Variants in MMRN1 observed in about 807,000 individuals in gnomAD.
The protein encoded by MMRN1 is multimerin-1.
In MMRN1, 94 loss-of-function variants were observed where a neutral mutation model predicts 100.7. The observed-to-expected ratio is 0.93, with a 90% CI of 0.79 to 1.11. The LOEUF (loss-of-function observed/expected upper bound fraction) is 1.11, where lower values mean the gene tolerates loss of function less well. MMRN1 is among the 50% of genes least tolerant of loss of function. MMRN1 has a pLI of 0.00. For missense variants in MMRN1, 1,606 were observed against 1,439.1 expected, an observed-to-expected ratio of 1.12 and a Z score of -1.88; for synonymous variants, 575 against 505.0, an observed-to-expected ratio of 1.14 and a Z score of -1.86.
chr4:89,905,048 G>C (rs1345938475), intron 1 of MMRN1, among the ~76,000 whole-genome samples: 1 of 151,570 alleles, frequency 6.6e-6, no homozygotes, highest in Non-Finnish European at 1.5e-5. Context: ...CAGACTTATA[G>C]AGTTGAGAAT....
intron 1 of MMRN1, among the ~76,000 whole-genome samples, chr4:89,888,836 T>C (rs1207153373): frequency 1.3e-5 from 2 of 152,146 alleles, no homozygotes; most frequent in African/African-American, 2.4e-5. Context: ...TGTTCAGACA[T>C]GTTGCCCATC....
intron 3 of MMRN1, among the ~76,000 whole-genome samples, chr4:89,918,715 C>G (rs1460798030): frequency 6.6e-6 from 1 of 151,752 alleles, no homozygotes; most frequent in Non-Finnish European, 1.5e-5. Flanking sequence ...TTTTAAAAAG[C>G]AGAAGTCTAT....
chr4:89,882,238 C>T (rs1486416642), intron 1 of MMRN1, among the ~76,000 whole-genome samples: 1 of 151,284 alleles, frequency 6.6e-6, no homozygotes, highest in African/African-American at 2.4e-5. Context: ...TTGTTGTTGT[C>T]TCTATAAATC....
intron 3 of MMRN1, among the ~76,000 whole-genome samples, chr4:89,914,742 A>G (rs1162696961): frequency 6.6e-6 from 1 of 151,560 alleles, no homozygotes; most frequent in Non-Finnish European, 1.5e-5. Flanking sequence ...AGTCAGCAGT[A>G]ACATACACTT....
chr4:89,893,799 T>C (rs1018442983), upstream of MMRN1, among the ~76,000 whole-genome samples: 2 of 152,116 alleles, frequency 1.3e-5, no homozygotes, highest in African/African-American at 4.8e-5. Flanking sequence ...AATAAATGAA[T>C]GAGTGAATGA....
rs745533301 is a variant in MMRN1 at position 89,884,727 on chromosome 4, G to A, written c.-249+5125G>A. On this transcript the variant is annotated intron_variant, in intron 1 of 8. Transcript: ENST00000394980. The stretch of plus-strand genomic sequence containing the variant: ...TCCTCCAGCCTCAGCCTCCCAAGTA[G>A]CTGGGACTACAGGAGTGTGCCACCA... 3.2e-4 allele frequency among the ~76,000 whole-genome samples: 48 copies of A among 152,142 alleles called. 1 individual carries two copies. The highest frequency in any genetic ancestry group is 8.3e-4 in the South Asian group (4 of 4,810).
At chr4:89,890,182 T>C (rs932984846), upstream of MMRN1, among the ~76,000 whole-genome samples, 4 of 151,660 alleles carry the variant, frequency 2.6e-5, no homozygotes, top group African/African-American at 4.8e-5. Flanking sequence ...GAAGTTTAAT[T>C]CTCCCTTCAG....
intron 6 of MMRN1, among the ~76,000 whole-genome samples, chr4:89,945,665 G>T (rs1722965173): frequency 6.6e-6 from 1 of 152,086 alleles, no homozygotes; most frequent in Non-Finnish European, 1.5e-5. Flanking sequence ...GGATAAATCA[G>T]TTCACGATAT....
At chr4:89,911,478 G>T (rs1196655072) in intron 2 of MMRN1, among the ~76,000 whole-genome samples, 2 of 151,276 alleles carry the variant, frequency 1.3e-5, no homozygotes, top group Non-Finnish European at 3.0e-5. Context: ...GATAGTGGTT[G>T]TCATAATTTC....
chr4:89,943,897 T>A (rs1330526825), intron 6 of MMRN1, among the ~76,000 whole-genome samples: 1 of 151,508 alleles, frequency 6.6e-6, no homozygotes, highest in African/African-American at 2.4e-5. Context: ...CAGGAGAATA[T>A]CTTGAACCCA....
At chr4:89,919,457 C>T (rs1269662402) in intron 3 of MMRN1, among the ~76,000 whole-genome samples, 1 of 151,436 alleles carries the variant, frequency 6.6e-6, no homozygotes, top group Admixed American at 6.6e-5. Flanking sequence ...CTATATTATA[C>T]AAATTTGTAG....
chr4:89,910,935 C>T (rs962712966), intron 2 of MMRN1, among the ~76,000 whole-genome samples: 7 of 151,288 alleles, frequency 4.6e-5, no homozygotes, highest in African/African-American at 9.7e-5. Context: ...TATAGTTGTA[C>T]GTGGCAAACT....
intron 1 of MMRN1, among the ~76,000 whole-genome samples, chr4:89,898,240 A>C (rs4522832): frequency 0.42 from 63,407 of 151,540 alleles, 13,584 homozygotes; most frequent in Admixed American, 0.46. Flanking sequence ...ATCTGTTACT[A>C]GTACTCTACT....
At chr4:89,939,960 G>C (rs1186981172) in intron 6 of MMRN1, among the ~76,000 whole-genome samples, 3 of 152,138 alleles carry the variant, frequency 2.0e-5, no homozygotes, top group Non-Finnish European at 1.5e-5. Flanking sequence ...TGACGAAGAA[G>C]AGGGACAAAA....
intron 3 of MMRN1, among the ~76,000 whole-genome samples, chr4:89,921,608 A>G (rs1231196378): frequency 6.6e-6 from 1 of 152,178 alleles, no homozygotes; most frequent in Non-Finnish European, 1.5e-5. Flanking sequence ...TCCCCTAAAT[A>G]ATTACACTAT....
Position 89,951,715 on chromosome 4 carries a change from ACT to A in MMRN1, c.3230_3231del (p.Thr1077AsnfsTer43). On this transcript the variant is annotated frameshift_variant, in exon 7 of 8. Coordinates refer to ENST00000264790, the MANE Select transcript of MMRN1 (RefSeq NM_007351.3). LOFTEE classifies it high-confidence loss of function. ...ACATCCTTTTACTGGTGACAACTGC[ACT>A]ATCAAGCTTGTGGAAGAAAATGCTT... ...CRHPFTGDNC[T>X]IKLVEENALA... The A allele has an allele frequency of 3.1e-6, 5 of 1,612,686 alleles. No homozygotes were observed. The highest frequency in any genetic ancestry group is 4.2e-6 in the Non-Finnish European group (5 of 1,179,458).
rs528086862 is a variant in MMRN1 at position 89,936,182 on chromosome 4, G to A, written c.2502G>A (p.Val834=). ...TGTTCAATGAAACCACTTCCCAAGT[G>A]AGAAAATACCAGCAAAATATGAGTC... is the stretch of plus-strand genomic sequence containing the variant. ...YQMFNETTSQ[V]RKYQQNMSHL... Residue 834 remains valine (V), a synonymous_variant, in exon 6 of 8, where the codon GTG becomes GTA. Transcript: ENST00000264790. 6.2e-7 allele frequency: 1 copy of A among 1,610,274 alleles called. No homozygotes were observed. Among genetic ancestry groups the A allele is most frequent in the African/African-American group, 1.3e-5 (1 of 74,794 alleles).
At chr4:89,920,260 A>G (rs1462158785) in intron 3 of MMRN1, among the ~76,000 whole-genome samples, 1 of 152,120 alleles carries the variant, frequency 6.6e-6, no homozygotes, top group Non-Finnish European at 1.5e-5. Context: ...GGCAAAACAC[A>G]ATCATGGAGT....
At chr4:89,938,513 T>TATATATATATATA (rs1472180407) in intron 6 of MMRN1, among the ~76,000 whole-genome samples, 1 of 77,800 alleles carries the variant, frequency 1.3e-5, no homozygotes, top group African/African-American at 6.2e-5. Flanking sequence ...ATATATATAT[T>TATATATATATATA]TAAAATATAT....
Sources: gnomAD v4.1 joint callset for allele counts (sites outside exome capture counted in the v4.1 genomes callset) on GRCh38, gnomAD v4.1.1 for gene constraint, MANE v1.5 for transcripts, NCBI Gene and HGNC (gene_info 2026-07-23, HGNC 2026-07-21) for gene names.